The following SGPL1 variants were observed in gnomAD, a reference collection of about 807,000 sequenced individuals.
The protein encoded by SGPL1 is sphingosine-1-phosphate lyase 1.
A neutral mutation model predicts 68.9 loss-of-function variants in SGPL1; 37 were observed. That is an observed-to-expected ratio of 0.54 (90% CI 0.41 to 0.71). SGPL1 has a LOEUF of 0.71. Among genes scored for constraint, SGPL1 ranks in the 30% least tolerant of loss-of-function variants. The pLI, the probability that SGPL1 is intolerant of heterozygous loss-of-function variation, is 0.00. For synonymous variants in SGPL1, 236 were observed against 248.5 expected (o/e 0.95, Z 0.47); for missense variants, 551 against 704.6 (o/e 0.78, Z 2.47).
intron 7 of SGPL1, among the ~76,000 whole-genome samples, chr10:70,864,773 T>C (rs995094612): frequency 6.6e-6 from 1 of 152,216 alleles, no homozygotes; most frequent in African/African-American, 2.4e-5. Context: ...CTCCAGACAT[T>C]GTTCTTATGC....
rs184099287 is a variant in SGPL1 at position 70,831,414 on chromosome 10, G to A, written c.28-13059G>A. Among the ~76,000 whole-genome samples, 5 of 152,254 alleles carry A rather than the reference G, an allele frequency of 3.3e-5. No individual in the cohort carries two copies. In the East Asian group the frequency reaches 9.7e-4, roughly 29 times the overall value. On this transcript the variant is annotated intron_variant, in intron 2 of 14. Transcript: ENST00000373202. ...TACCTGTCTCCCCCAACCCCAACCT[G>A]TCACAAGTCTGGTCCTTCAAAATGT... is the stretch of plus-strand genomic sequence containing the variant.
At position 70,877,435 on chromosome 10, in the gene SGPL1, A is replaced by G; in HGVS notation, c.*100A>G. On this transcript the variant is annotated 3_prime_UTR_variant, in exon 15 of 15. Transcript: ENST00000373202. ...ACTTTGACATCTGGTCTTGCTCCAT[A>G]GAGCACAACTCAAGATAGACCATGA... 2 of 1,161,578 alleles carry G rather than the reference A, an allele frequency of 1.7e-6. No individual in the cohort carries two copies. Among genetic ancestry groups the G allele is most frequent in the Non-Finnish European group, 2.5e-6 (2 of 785,664 alleles). The allele number at this position is 1,161,578 out of a possible 1,614,324, so 72.0% of individuals were successfully genotyped here.
At chr10:70,825,008 A>G (rs1043393422) in intron 2 of SGPL1, among the ~76,000 whole-genome samples, 1 of 139,966 alleles carries the variant, frequency 7.1e-6, no homozygotes, top group African/African-American at 2.7e-5. Context: ...TCTGTCGCCC[A>G]GGCTAGAGTG....
In SGPL1 at chr10:70,817,311, G is replaced by C. The variant is rs568053929; in HGVS notation, c.27+431G>C. On this transcript the variant is annotated intron_variant, in intron 2 of 14. Coordinates refer to ENST00000373202, the MANE Select transcript of SGPL1 (RefSeq NM_003901.4). ...TGGGATTCCAGGCGTGAGCCACCGC[G>C]CCTGGCCAACCACCTTTTATTTTGG... is the stretch of plus-strand genomic sequence containing the variant. Among the ~76,000 whole-genome samples, 416 of 152,300 alleles carry C rather than the reference G, an allele frequency of 2.7e-3. 2 individuals carry two copies. The highest frequency in any genetic ancestry group is 0.012 in the South Asian group (57 of 4,824).
intron 2 of SGPL1, among the ~76,000 whole-genome samples, chr10:70,833,311 C>T (rs568695162): frequency 6.6e-6 from 1 of 152,320 alleles, no homozygotes; most frequent in Non-Finnish European, 1.5e-5. Context: ...AGACGAACTT[C>T]TCAGATACTG....
intron 3 of SGPL1, among the ~76,000 whole-genome samples, chr10:70,848,550 C>T (rs749041057): frequency 6.7e-6 from 1 of 149,432 alleles, no homozygotes; most frequent in East Asian, 2.0e-4. Flanking sequence ...CTGCAACCTC[C>T]GCCTCCTGGG....
chr10:70,861,509 G>A (rs960326362), intron 7 of SGPL1, among the ~76,000 whole-genome samples: 1 of 152,228 alleles, frequency 6.6e-6, no homozygotes, highest in Admixed American at 6.5e-5. Flanking sequence ...GCTCGCTCTC[G>A]GCGCCTCCTC....
At chr10:70,842,664 G>A (rs1845734176) in intron 2 of SGPL1, among the ~76,000 whole-genome samples, 1 of 152,074 alleles carries the variant, frequency 6.6e-6, no homozygotes, top group African/African-American at 2.4e-5. Flanking sequence ...TGAACTAACT[G>A]AGCAAGAACT....
rs1059266 is a variant in SGPL1, at chr10:70,879,354, G to A, written c.*2019G>A. On this transcript the variant is annotated 3_prime_UTR_variant, in exon 15 of 15. Transcript: ENST00000373202. ...CCAACAACTGTGACTAGCTGGCCAC[G>A]CCATTCAGGGCTGGTGTGGCATTTA... The A allele has an allele frequency of 0.055, 8,291 of 150,698 alleles. 273 individuals are homozygous for A. Among genetic ancestry groups the A allele is most frequent in the Non-Finnish European group, 0.063 (4,293 of 67,892 alleles). The allele number at this position is 150,698 out of a possible 1,614,324, so 9.3% of individuals were successfully genotyped here.
At chr10:70,868,131 G>C (rs1313342405) in intron 7 of SGPL1, among the ~76,000 whole-genome samples, 3 of 152,232 alleles carry the variant, frequency 2.0e-5, no homozygotes, top group Admixed American at 6.5e-5. Flanking sequence ...CTGAGTTTCT[G>C]CTCATTATTT....
At chr10:70,862,954 C>T (rs1046114844) in intron 7 of SGPL1, among the ~76,000 whole-genome samples, 1 of 152,172 alleles carries the variant, frequency 6.6e-6, no homozygotes, top group African/African-American at 2.4e-5. Context: ...TAATTTCATT[C>T]TAAAGAATTC....
In SGPL1 at chr10:70,857,607, T is replaced by G; in HGVS notation, c.410-7T>G. Reference sequence around the variant, plus strand: ...TTACTGACCAGTGACCTTACCTTTCTCTGCAGACGCCTTCTGGCAAGAGGG... The same window carrying G: ...TTACTGACCAGTGACCTTACCTTTCGCTGCAGACGCCTTCTGGCAAGAGGG... On this transcript the variant is annotated splice_polypyrimidine_tract_variant and splice_region_variant and intron_variant, in intron 5 of 14. Transcript: ENST00000373202. 6.2e-7 allele frequency: 1 copy of G among 1,612,092 alleles called. No individual in the cohort carries two copies. Among genetic ancestry groups the G allele is most frequent in the Non-Finnish European group, 8.5e-7 (1 of 1,178,460 alleles).
intron 2 of SGPL1, among the ~76,000 whole-genome samples, chr10:70,821,256 T>G (rs192913257): frequency 2.7e-3 from 409 of 152,320 alleles, no homozygotes; most frequent in African/African-American, 9.5e-3. Flanking sequence ...TAGCAGCCTT[T>G]CTCCCCCTTG....
At chr10:70,862,929 C>T (rs827254) in intron 7 of SGPL1, among the ~76,000 whole-genome samples, 14 of 152,204 alleles carry the variant, frequency 9.2e-5, no homozygotes, top group Non-Finnish European at 1.5e-5. Context: ...TTGGGCTTTT[C>T]AATTTTATTT....
intron 2 of SGPL1, among the ~76,000 whole-genome samples, chr10:70,841,640 C>CCAT (rs1845715023): frequency 1.3e-5 from 2 of 152,098 alleles, no homozygotes; most frequent in Admixed American, 1.3e-4. Flanking sequence ...CTTCCTCCTA[C>CCAT]CATCAGCTTG....
intron 2 of SGPL1, among the ~76,000 whole-genome samples, chr10:70,817,361 G>A (rs1399426610): frequency 6.6e-6 from 1 of 152,210 alleles, no homozygotes; most frequent in African/African-American, 2.4e-5. Context: ...TGAATAAATA[G>A]CTGAATTAAA....
chr10:70,857,744 C>A, intron 6 of SGPL1, 54 bp downstream of exon 6: 1 of 1,178,844 alleles, frequency 8.5e-7, no homozygotes, highest in Non-Finnish European at 1.2e-6. Context: ...GTTTACATGA[C>A]CTCCTTTTTT....
rs887913149 is a variant in SGPL1 at position 70,878,886 on chromosome 10, A to G, written c.*1551A>G. 1 of 152,802 alleles carries G rather than the reference A, an allele frequency of 6.5e-6. No homozygotes were observed. Among genetic ancestry groups the G allele is most frequent in the African/African-American group, 2.4e-5 (1 of 41,474 alleles). 9.5% of individuals were successfully genotyped at this position (152,802 alleles called of 1,614,324 possible). ...AGGAAAGCAGAATGGCGAGCAGCCT[A>G]TGGCCCAGGGCCTGTAATCCCTTCC... On this transcript the variant is annotated 3_prime_UTR_variant, in exon 15 of 15. Transcript: ENST00000373202.
intron 3 of SGPL1, among the ~76,000 whole-genome samples, chr10:70,846,561 C>T (rs1246525875): frequency 6.6e-6 from 1 of 152,074 alleles, no homozygotes; most frequent in Admixed American, 6.5e-5. Context: ...CACTGGAACT[C>T]CATTTTAATA....
Sources: allele counts gnomAD v4.1 joint callset (sites outside exome capture counted in the v4.1 genomes callset), GRCh38; gene constraint gnomAD v4.1.1; transcripts MANE v1.5; gene names NCBI Gene and HGNC (gene_info 2026-07-23, HGNC 2026-07-21).